The following NT5C2 variants were observed in gnomAD, a reference collection of about 807,000 sequenced individuals.
The protein encoded by NT5C2 is cytosolic purine 5'-nucleotidase.
In NT5C2, 58 loss-of-function variants were observed where a neutral mutation model predicts 76.1. That is an observed-to-expected ratio of 0.76 (90% confidence interval 0.62 to 0.95). The LOEUF is 0.95. NT5C2 is among the 40% of genes least tolerant of loss of function. NT5C2 has a pLI of 0.00. For missense variants in NT5C2, 478 were observed against 690.3 expected (o/e 0.69, Z 3.45); for synonymous variants, 229 against 237.4 (o/e 0.96, Z 0.32).
chr10:103,156,269 A>G (rs1565211850), intron 3 of NT5C2, among the ~76,000 whole-genome samples: 1 of 152,204 alleles, frequency 6.6e-6, no homozygotes, highest in Non-Finnish European at 1.5e-5. Context: ...CCATGGCAAT[A>G]CTATCAGGAA....
At chr10:103,181,627 T>G (rs1387917695) in intron 1 of NT5C2, among the ~76,000 whole-genome samples, 1 of 152,242 alleles carries the variant, frequency 6.6e-6, no homozygotes, top group African/African-American at 2.4e-5. Flanking sequence ...ATTACCTCAT[T>G]ACTTAACATA....
intron 3 of NT5C2, among the ~76,000 whole-genome samples, chr10:103,163,249 T>C (rs996047413): frequency 2.6e-5 from 4 of 152,230 alleles, no homozygotes; most frequent in African/African-American, 9.6e-5. Context: ...ACTATAAACA[T>C]TATCCATTGT....
At chr10:103,128,069 CTCTCCCTCTCCCTCTCCCTCTG>C (rs1230553273) in intron 4 of NT5C2, among the ~76,000 whole-genome samples, 1 of 150,312 alleles carries the variant, frequency 6.7e-6, no homozygotes, top group Non-Finnish European at 1.5e-5. Flanking sequence ...CTCCCTCTCC[CTCTCCCTCTCCCTCTCCCTCTG>C]TCTCCCTCTC....
intron 3 of NT5C2, among the ~76,000 whole-genome samples, chr10:103,157,980 G>A (rs558527226): frequency 9.9e-5 from 15 of 152,126 alleles, no homozygotes; most frequent in Non-Finnish European, 2.2e-4. Context: ...GGCTGAGGCA[G>A]GAGAATCGCT....
At chr10:103,108,311 A>G (rs990311898) in intron 4 of NT5C2, among the ~76,000 whole-genome samples, 13 of 152,340 alleles carry the variant, frequency 8.5e-5, no homozygotes, top group African/African-American at 2.4e-4. Flanking sequence ...TAAATGCCAA[A>G]TGAGGCAAAA....
intron 9 of NT5C2, 70 bp downstream of exon 9, chr10:103,099,856 T>G (rs2069116768): frequency 1.0e-6 from 1 of 969,984 alleles, no homozygotes; most frequent in Non-Finnish European, 1.6e-6. Context: ...CTGCTCCATT[T>G]GGAAAGTTAA....
chr10:103,187,572 A>C (rs2092190092), intron 1 of NT5C2, among the ~76,000 whole-genome samples: 1 of 150,848 alleles, frequency 6.6e-6, no homozygotes, highest in South Asian at 2.1e-4. Context: ...AAAAAAAAAA[A>C]CTTTTAATGT....
chr10:103,120,581 G>GT (rs2075461903), intron 4 of NT5C2, among the ~76,000 whole-genome samples: 1 of 152,080 alleles, frequency 6.6e-6, no homozygotes, highest in Admixed American at 6.6e-5. Context: ...ATAAGATACC[G>GT]TAACTTCACA....
At chr10:103,169,261 A>C (rs2087198523) in intron 3 of NT5C2, 1 of 152,210 alleles carries the variant, frequency 6.6e-6, no homozygotes, top group African/African-American at 2.4e-5. Flanking sequence ...TTAAAAAGAC[A>C]TATACATATA....
At chr10:103,113,543 T>C (rs999018009) in intron 4 of NT5C2, among the ~76,000 whole-genome samples, 1 of 152,150 alleles carries the variant, frequency 6.6e-6, no homozygotes, top group African/African-American at 2.4e-5. Flanking sequence ...CAAATGCCTA[T>C]ACTAAAGTTA....
intron 1 of NT5C2, among the ~76,000 whole-genome samples, chr10:103,188,554 C>G (rs939178933): frequency 6.6e-6 from 1 of 152,180 alleles, no homozygotes; most frequent in East Asian, 1.9e-4. Context: ...CTTTCCCCAT[C>G]TGTCAAATGA....
intron 3 of NT5C2, among the ~76,000 whole-genome samples, chr10:103,170,256 A>C (rs962165996): frequency 7.2e-5 from 11 of 152,168 alleles, no homozygotes; most frequent in African/African-American, 2.7e-4. Flanking sequence ...GTTACCGTGA[A>C]CTATGATCAC....
intron 3 of NT5C2, chr10:103,145,979 T>C (rs539812364): frequency 1.2e-6 from 1 of 839,662 alleles, no homozygotes; most frequent in Admixed American, 6.2e-5. Context: ...ATTTGAAATT[T>C]TGTAAATAGC....
At chr10:103,108,466 A>G (rs1461682250) in intron 4 of NT5C2, among the ~76,000 whole-genome samples, 1 of 152,188 alleles carries the variant, frequency 6.6e-6, no homozygotes, top group East Asian at 1.9e-4. Context: ...CTAATACTTT[A>G]ATGAGTGTGA....
At chr10:103,090,490 G>T in intron 18 of NT5C2, 121 bp downstream of exon 18, 1 of 823,452 alleles carries the variant, frequency 1.2e-6, no homozygotes, top group Non-Finnish European at 1.9e-6. Context: ...CATATAACCT[G>T]CCCCTGGGCT....
At chr10:103,153,795 G>T in intron 3 of NT5C2, 1 of 971,290 alleles carries the variant, frequency 1.0e-6, no homozygotes, top group Non-Finnish European at 1.2e-6. Flanking sequence ...TTAATTATTA[G>T]TGTAGTTATT....
At chr10:103,109,278 CTG>C (rs1249093140) in intron 4 of NT5C2, among the ~76,000 whole-genome samples, 2 of 152,108 alleles carry the variant, frequency 1.3e-5, no homozygotes, top group Admixed American at 6.6e-5. Context: ...ATGATGTACA[CTG>C]TGGATAAAAA....
intron 3 of NT5C2, among the ~76,000 whole-genome samples, chr10:103,172,914 AG>A (rs1197030330): frequency 6.6e-6 from 1 of 152,246 alleles, no homozygotes; most frequent in Non-Finnish European, 1.5e-5. Context: ...CAGCTGAGGC[AG>A]GAGAATTGCT....
intron 4 of NT5C2, among the ~76,000 whole-genome samples, chr10:103,112,065 G>A (rs1041906696): frequency 6.6e-6 from 1 of 152,174 alleles, no homozygotes; most frequent in African/African-American, 2.4e-5. Flanking sequence ...TGGAATACAA[G>A]CCAAGTCTGA....
Sources: allele counts gnomAD v4.1 joint callset (sites outside exome capture counted in the v4.1 genomes callset), GRCh38; gene constraint gnomAD v4.1.1; transcripts MANE v1.5; gene names NCBI Gene and HGNC (gene_info 2026-07-23, HGNC 2026-07-21).